CER1: variants seen among roughly 807,000 people sequenced by gnomAD.
CER1 encodes the protein cerberus 1, DAN family BMP antagonist.
A neutral mutation model predicts 11.8 loss-of-function variants in CER1; 10 were observed. The observed-to-expected ratio is 0.85, with a 90% CI of 0.52 to 1.44. The LOEUF is 1.44. CER1 is among the 40% of genes most tolerant of loss of function. CER1 has a pLI of 0.00. For synonymous variants in CER1, 141 were observed against 122.3 expected (o/e 1.15, Z -1.01); for missense variants, 431 against 327.0 (o/e 1.32, Z -2.45).
Position 14,720,252 on chromosome 9 carries a change from G to A in CER1, c.642C>T (p.Phe214=). 6.2e-7 allele frequency: 1 copy of A among 1,614,146 alleles called. No homozygotes were observed. ...AGTTCAGTGGCAAGTGCATCGTGGT[G>A]AACTTGGCAGGCAAACAGTGAGAGC... ...TSCSHCLPAK[F]TTMHLPLNCT... Residue 214 remains phenylalanine (F), a synonymous_variant, in exon 2 of 2, where the codon TTC becomes TTT. Coordinates refer to ENST00000380911, the MANE Select transcript of CER1 (RefSeq NM_005454.3).
downstream of CER1, among the ~76,000 whole-genome samples, chr9:14,719,553 G>GCATTCCTTCCTTCCTTCCTTCCTTCTTT (rs1252679801): frequency 2.6e-4 from 33 of 125,548 alleles, no homozygotes; most frequent in African/African-American, 1.1e-3. Context: ...CTGCCTGCCT[G>GCATTCCTTCCTTCCTTCCTTCCTTCTTT]CCTGCCTGCC....
chr9:14,718,164 G>A (rs746047492), downstream of CER1, among the ~76,000 whole-genome samples: 15 of 152,158 alleles, frequency 9.9e-5, no homozygotes, highest in East Asian at 1.5e-3. Flanking sequence ...CAAGGGAAGC[G>A]CAGACCAAAA....
At chr9:14,718,763 A>G (rs1482135254), downstream of CER1, among the ~76,000 whole-genome samples, 3 of 152,308 alleles carry the variant, frequency 2.0e-5, no homozygotes, top group Middle Eastern at 3.4e-3. Flanking sequence ...GTTCTGTACC[A>G]TATATGTGTA....
At position 14,720,264 on chromosome 9, in the gene CER1, C is replaced by G. The variant is rs1171875808; in HGVS notation, c.630G>C (p.Leu210Phe). The G allele has an allele frequency of 6.2e-7, 1 of 1,613,988 alleles. No individual in the cohort carries two copies. Among genetic ancestry groups the G allele is most frequent in the Non-Finnish European group, 8.5e-7 (1 of 1,180,054 alleles). ...AGTGCATCGTGGTGAACTTGGCAGG[C>G]AAACAGTGAGAGCAGGAGGTATGGG... ...QHSHTSCSHC[L>F]PAKFTTMHLP... Residue 210 changes from leucine (L) to phenylalanine (F), a missense_variant, in exon 2 of 2, where the codon TTG becomes TTC. Physicochemically the swap from Leu to Phe is conservative, Grantham distance 22 (BLOSUM62 0). Transcript: ENST00000380911.
At position 14,719,857 on chromosome 9, in the gene CER1, A is replaced by G; in HGVS notation, c.*233T>C. The G allele has an allele frequency of 2.0e-6, 1 of 489,760 alleles. No individual in the cohort carries two copies. The highest frequency in any genetic ancestry group is 3.7e-6 in the Non-Finnish European group (1 of 271,100). The allele number at this position is 489,760 out of a possible 1,614,324, so 30.3% of individuals were successfully genotyped here. On this transcript the variant is annotated 3_prime_UTR_variant, in exon 2 of 2. Transcript: ENST00000380911. ...ATAGATGAAAATCTTTAGATGGAGAAAGGTTTTACAACTTAACATTCTACG... is the reference window on the plus strand; with the variant it reads ...ATAGATGAAAATCTTTAGATGGAGAGAGGTTTTACAACTTAACATTCTACG...
At chr9:14,720,537 T>C (rs911157256) in intron 1 of CER1, 151 bp from the exon 2 acceptor site, 3 of 724,588 alleles carry the variant, frequency 4.1e-6, no homozygotes, top group Admixed American at 2.9e-5. Flanking sequence ...AGTGATGGTA[T>C]CTATAAGGGC....
rs145954441 is a variant in CER1, at chr9:14,722,307, C to T, written c.366G>A (p.Glu122=). 33 of 1,614,122 alleles carry T rather than the reference C, an allele frequency of 2.0e-5. No individual in the cohort carries two copies. The African/African-American group carries it at 4.4e-4, about 22-fold the overall frequency. Residue 122 remains glutamate (E), a synonymous_variant, in exon 1 of 2, where the codon GAG becomes GAA. Coordinates refer to ENST00000380911, the MANE Select transcript of CER1 (RefSeq NM_005454.3). ...LIQPIDGMKM[E]KSPLREEAKK... Reference sequence around the variant, plus strand: ...TGGCTTCTTCCCGAAGAGGAGATTTCTCCATTTTCATTCCATCTATCGGCT... The same window carrying T: ...TGGCTTCTTCCCGAAGAGGAGATTTTTCCATTTTCATTCCATCTATCGGCT...
chr9:14,722,554 C>G lies in CER1; in HGVS notation c.119G>C (p.Arg40Thr). The G allele has an allele frequency of 1.2e-6, 2 of 1,614,160 alleles. No individual in the cohort carries two copies. Among genetic ancestry groups the G allele is most frequent in the Non-Finnish European group, 1.7e-6 (2 of 1,180,044 alleles). The change falls in exon 1 of 2, where the codon AGA becomes ACA. Residue 40 changes from arginine (R) to threonine (T), a missense_variant. Transcript: ENST00000380911. Reference sequence around the variant, plus strand: ...CTCATGGTTGCCTGTGGGAAGCTCTCTTTGATTCCTTGGCAGGAGTACGGG... The same window carrying G: ...CTCATGGTTGCCTGTGGGAAGCTCTGTTTGATTCCTTGGCAGGAGTACGGG... ...LSPVLLPRNQ[R>T]ELPTGNHEEA...
At position 14,720,317 on chromosome 9, in the gene CER1, C is replaced by A. The variant is rs1389717837; in HGVS notation, c.577G>T (p.Val193Phe). ...TGCTGCGCGGCTCCAGGAAAATGAA[C>A]AGACCCGCATTTCCCAAAGCAAAGG... ...NNLCFGKCGS[V>F]HFPGAAQHSH... The change falls in exon 2 of 2, where the codon GTT (valine) becomes TTT (phenylalanine). Residue 193 changes from valine to phenylalanine, a missense_variant. Transcript: ENST00000380911. 6.2e-7 allele frequency: 1 copy of A among 1,614,038 alleles called. No individual in the cohort carries two copies. The highest frequency in any genetic ancestry group is 1.1e-5 in the South Asian group (1 of 91,060).
rs891346718 is a variant in CER1, at chr9:14,722,248, G to A, written c.425C>T (p.Thr142Ile). The A allele has an allele frequency of 1.2e-6, 2 of 1,614,198 alleles. No homozygotes were observed. The highest frequency in any genetic ancestry group is 2.7e-5 in the African/African-American group (2 of 75,060). Residue 142 changes from threonine to isoleucine, a missense_variant, in exon 1 of 2, where the codon ACT (threonine) becomes ATT (isoleucine). Thr to Ile is a moderately conservative substitution (Grantham distance 89). Coordinates refer to ENST00000380911, the MANE Select transcript of CER1 (RefSeq NM_005454.3). ...CAAGATGACCCCCTGAGAAGCCGGAGTTTTTCTGAACATGAAGTGGTGCCA... is the reference window on the plus strand; with the variant it reads ...CAAGATGACCCCCTGAGAAGCCGGAATTTTTCTGAACATGAAGTGGTGCCA... ...KFWHHFMFRK[T>I]PASQGVILPI...
Position 14,719,818 on chromosome 9 carries a change from C to T in CER1, c.*272G>A, listed in dbSNP as rs1201475656. The T allele has an allele frequency of 1.3e-5, 5 of 387,630 alleles. No individual in the cohort carries two copies. The South Asian group carries it at 1.6e-4, about 12-fold the overall frequency. 24.0% of individuals were successfully genotyped at this position (387,630 alleles called of 1,614,324 possible). A position where few individuals can be genotyped will look rare whatever the true frequency, so the allele number is the denominator to read the frequency against. On this transcript the variant is annotated 3_prime_UTR_variant, in exon 2 of 2. Transcript: ENST00000380911. ...AAAGGATTTTAGCAATCATCTAGGT[C>T]GGGTCCGTCATTTATAGATGAAAAT... is the stretch of plus-strand genomic sequence containing the variant.
In CER1 at chr9:14,720,146, C is replaced by T. The variant is rs771056876; in HGVS notation, c.748G>A (p.Gly250Arg). ...TGGGAGCCAGCATGTAGGATGTGTC[C>T]ATCTTCATGCTCCGTCTTCACCTTG... ...QCKVKTEHED[G>R]HILHAGSQDS... is the part of the protein sequence containing the mutation. Residue 250 changes from glycine (G) to arginine (R), a missense_variant, in exon 2 of 2, where the codon GGA (glycine) becomes AGA (arginine). By Grantham distance (125) the Gly-to-Arg change is moderately radical (BLOSUM62 -2). Transcript: ENST00000380911. 5.0e-6 allele frequency: 8 copies of T among 1,613,968 alleles called. No individual in the cohort carries two copies. In the Admixed American group the frequency reaches 1.2e-4, roughly 24 times the overall value.
At chr9:14,721,355 C>T (rs1007699141) in intron 1 of CER1, among the ~76,000 whole-genome samples, 1 of 152,136 alleles carries the variant, frequency 6.6e-6, no homozygotes, top group African/African-American at 2.4e-5. Context: ...AGGAAGTAGA[C>T]AGTAGGATGT....
chr9:14,722,674 C>A lies in CER1; in HGVS notation c.-2G>T, dbSNP rs1840032707. 1 of 1,592,430 alleles carries A rather than the reference C, an allele frequency of 6.3e-7. No homozygotes were observed. The highest frequency in any genetic ancestry group is 1.3e-5 in the African/African-American group (1 of 74,392). ...CAGCTGAAATAAGAGGAGATGCATG[C>A]TGTCAGGGGCCCAAGCTTCTTTTGT... On this transcript the variant is annotated 5_prime_UTR_variant, in exon 1 of 2. Transcript: ENST00000380911.
downstream of CER1, among the ~76,000 whole-genome samples, chr9:14,718,981 T>TC (rs529330321): frequency 7.0e-4 from 106 of 152,340 alleles, no homozygotes; most frequent in African/African-American, 2.5e-3. Flanking sequence ...ATGCTTCATA[T>TC]ACTAAAATTT....
intron 1 of CER1, among the ~76,000 whole-genome samples, chr9:14,720,740 T>C (rs1463483746): frequency 6.6e-6 from 1 of 152,238 alleles, no homozygotes; most frequent in African/African-American, 2.4e-5. Context: ...TGCCTTACTT[T>C]TTTATTCCTC....
Position 14,720,122 on chromosome 9 carries a change from G to T in CER1, c.772C>A (p.Gln258Lys), listed in dbSNP as rs2131789698. ...EDGHILHAGS[Q>K]DSFIPGVSA ...GAAACTCCTGGGATAAAGGAATCCT[G>T]GGAGCCAGCATGTAGGATGTGTCCA... Residue 258 changes from glutamine to lysine, a missense_variant, in exon 2 of 2, where the codon CAG becomes AAG. By Grantham distance (53) the Gln-to-Lys change is moderately conservative. Coordinates refer to ENST00000380911, the MANE Select transcript of CER1 (RefSeq NM_005454.3). The T allele has an allele frequency of 6.2e-7, 1 of 1,613,902 alleles. No individual in the cohort carries two copies. The highest frequency in any genetic ancestry group is 1.1e-5 in the South Asian group (1 of 91,066).
chr9:14,721,201 T>A (rs867606137), intron 1 of CER1, among the ~76,000 whole-genome samples: 1 of 152,224 alleles, frequency 6.6e-6, no homozygotes, highest in South Asian at 2.1e-4. Context: ...ATTGCCCTAT[T>A]CTATTGCTTG....
At chr9:14,718,514 G>A (rs1353031028), downstream of CER1, among the ~76,000 whole-genome samples, 4 of 152,058 alleles carry the variant, frequency 2.6e-5, no homozygotes, top group Non-Finnish European at 5.9e-5. Context: ...ATGTTGATGT[G>A]TTACAAAATA....
Sources: allele counts gnomAD v4.1 joint callset (sites outside exome capture counted in the v4.1 genomes callset), GRCh38; gene constraint gnomAD v4.1.1; transcripts MANE v1.5; gene names NCBI Gene and HGNC (gene_info 2026-07-23, HGNC 2026-07-21).